Variants in CAPZB observed in about 807,000 individuals in gnomAD.
The protein encoded by CAPZB is F-actin-capping protein subunit beta.
In CAPZB, 2 loss-of-function variants were observed where a neutral mutation model predicts 38.1. The ratio of observed to expected loss-of-function variants is 0.05; its 90% confidence interval spans 0.02 to 0.17. CAPZB has a LOEUF of 0.17. Ranked by LOEUF, CAPZB falls within the 10% of genes least tolerant of loss-of-function variation. The pLI is 1.00. For synonymous variants in CAPZB, 107 were observed against 127.4 expected (o/e 0.84, Z 1.08); for missense variants, 161 against 334.2 (o/e 0.48, Z 4.04).
At chr1:19,476,570 G>A (rs947671139) in intron 1 of CAPZB, among the ~76,000 whole-genome samples, 1 of 152,206 alleles carries the variant, frequency 6.6e-6, no homozygotes, top group Non-Finnish European at 1.5e-5. Flanking sequence ...GAGGGCTGTC[G>A]CAATGATTAA....
intron 2 of CAPZB, among the ~76,000 whole-genome samples, chr1:19,404,936 G>A (rs1162781141): frequency 2.6e-5 from 4 of 152,150 alleles, no homozygotes; most frequent in African/African-American, 9.7e-5. Context: ...ACTGAGGCCT[G>A]GAGTCTGGTA....
In CAPZB at chr1:19,451,985, G is replaced by T. The variant is rs370266634; in HGVS notation, c.4-32235C>A. On this transcript the variant is annotated intron_variant, in intron 1 of 8. Coordinates refer to ENST00000264202, the MANE Select transcript of CAPZB (RefSeq NM_004930.5). ...TATTTTATTATTTCTCTCCACCCAA[G>T]TACCAACCCTCCCCCACTTTGTCCA... Among the ~76,000 whole-genome samples the T allele has an allele frequency of 2.6e-5, 4 of 151,840 alleles. No individual in the cohort carries two copies. In the East Asian group the frequency reaches 5.8e-4, roughly 22 times the overall value.
At chr1:19,342,741 A>G (rs12124843) in intron 8 of CAPZB, 347,747 of 1,567,522 alleles carry the variant, frequency 0.22, 39,511 homozygotes, top group Admixed American at 0.25. Flanking sequence ...CGCGGCTCTC[A>G]GGCAGGGTAC....
At chr1:19,342,697 G>A (rs368735647) in intron 8 of CAPZB, 63 of 1,094,500 alleles carry the variant, frequency 5.8e-5, no homozygotes, top group African/African-American at 5.5e-4. Context: ...GGGTCTCGGC[G>A]GGTTGGTGAG....
chr1:19,358,521 G>A (rs947974709), intron 4 of CAPZB, among the ~76,000 whole-genome samples: 2 of 152,206 alleles, frequency 1.3e-5, no homozygotes, highest in Non-Finnish European at 2.9e-5. Context: ...GGTTAGATGA[G>A]AAATGGGAAT....
chr1:19,453,324 C>T (rs1018659697), intron 1 of CAPZB, among the ~76,000 whole-genome samples: 5 of 152,104 alleles, frequency 3.3e-5, no homozygotes, highest in African/African-American at 9.7e-5. Context: ...TGCAGTGGCA[C>T]AATCTCGGCT....
intron 1 of CAPZB, among the ~76,000 whole-genome samples, chr1:19,438,550 C>CTG (rs2094465604): frequency 6.6e-6 from 1 of 152,146 alleles, no homozygotes; most frequent in East Asian, 1.9e-4. Flanking sequence ...AGGAGTGGAC[C>CTG]AAGGGGCTCT....
At chr1:19,474,749 G>A (rs368699401) in intron 1 of CAPZB, among the ~76,000 whole-genome samples, 11 of 152,238 alleles carry the variant, frequency 7.2e-5, no homozygotes, top group East Asian at 1.9e-4. Context: ...GGGGTCGTGC[G>A]GGTGACGAGG....
In CAPZB at chr1:19,437,211, A is replaced by G. The variant is rs140437017; in HGVS notation, c.4-17461T>C. On this transcript the variant is annotated intron_variant, in intron 1 of 8. Transcript: ENST00000264202. ...TTTCATTAAAAGCAAACAGTCTTGC[A>G]ATAAGGAACCGTAAGCTAGGAAGGC... is the stretch of plus-strand genomic sequence containing the variant. Among the ~76,000 whole-genome samples, 969 of 152,364 alleles carry G rather than the reference A, an allele frequency of 6.4e-3. 7 individuals carry two copies. Among genetic ancestry groups the G allele is most frequent in the African/African-American group, 0.021 (875 of 41,586 alleles).
rs2094024528 is a variant in CAPZB, at chr1:19,356,940, C to T, written c.472-189G>A. Among the ~76,000 whole-genome samples the T allele has an allele frequency of 6.6e-6, 1 of 152,062 alleles. No homozygotes were observed. The highest frequency in any genetic ancestry group is 1.5e-5 in the Non-Finnish European group (1 of 68,010). ...GCAGTGGTGCGATCTCAAGTCACTGCAGCCTCCACCTCCCAGGTTCAAGCG... is the reference window on the plus strand; with the variant it reads ...GCAGTGGTGCGATCTCAAGTCACTGTAGCCTCCACCTCCCAGGTTCAAGCG... On this transcript the variant is annotated intron_variant, in intron 5 of 8. Coordinates refer to ENST00000264202, the MANE Select transcript of CAPZB (RefSeq NM_004930.5). The surrounding 1 kb of genome is among the most constrained non-coding windows in gnomAD (Gnocchi z 4.3).
At chr1:19,440,953 G>A (rs1028725008) in intron 1 of CAPZB, among the ~76,000 whole-genome samples, 1 of 152,052 alleles carries the variant, frequency 6.6e-6, no homozygotes, top group Admixed American at 6.6e-5. Context: ...CCAGCTACTC[G>A]GGAGACTGAG....
At chr1:19,456,031 C>T (rs1435114645) in intron 1 of CAPZB, among the ~76,000 whole-genome samples, 3 of 152,184 alleles carry the variant, frequency 2.0e-5, no homozygotes, top group Middle Eastern at 3.2e-3. Flanking sequence ...CCTGCCTCAG[C>T]CTCCCAAGTA....
At chr1:19,420,412 T>A (rs2094396718) in intron 1 of CAPZB, among the ~76,000 whole-genome samples, 1 of 152,138 alleles carries the variant, frequency 6.6e-6, no homozygotes, top group Non-Finnish European at 1.5e-5. Flanking sequence ...AGCACTCTTT[T>A]AAAAAATGTT....
chr1:19,414,090 G>T (rs984590753), intron 2 of CAPZB, among the ~76,000 whole-genome samples: 1 of 152,004 alleles, frequency 6.6e-6, no homozygotes, highest in Non-Finnish European at 1.5e-5. Flanking sequence ...CGGAGAGCAG[G>T]TTTTTGGAAA....
At chr1:19,471,535 G>T (rs1207698318) in intron 1 of CAPZB, among the ~76,000 whole-genome samples, 1 of 150,984 alleles carries the variant, frequency 6.6e-6, no homozygotes, top group Non-Finnish European at 1.5e-5. Context: ...CCCTTCGTTG[G>T]AACCATGGCA....
intron 2 of CAPZB, among the ~76,000 whole-genome samples, chr1:19,410,901 CAG>C (rs1365970770): frequency 1.3e-5 from 2 of 152,194 alleles, no homozygotes; most frequent in African/African-American, 4.8e-5. Context: ...CCTATCAGGT[CAG>C]AGACTCACTG....
At chr1:19,419,885 G>C (rs1050879657) in intron 1 of CAPZB, 135 bp from the exon 2 acceptor site, 2 of 606,856 alleles carry the variant, frequency 3.3e-6, no homozygotes, top group Non-Finnish European at 5.8e-6. Flanking sequence ...CCAGGTCTCT[G>C]TGTGCCAGCA....
chr1:19,449,199 A>ATTTC, intron 1 of CAPZB: 1 of 1,181,814 alleles, frequency 8.5e-7, no homozygotes, highest in Non-Finnish European at 1.1e-6. Flanking sequence ...CAGGCCTGAA[A>ATTTC]GGTCATGCTT....
chr1:19,450,983 A>G (rs529530479), intron 1 of CAPZB, among the ~76,000 whole-genome samples: 1 of 152,312 alleles, frequency 6.6e-6, no homozygotes, highest in South Asian at 2.1e-4. Context: ...TACATGACTC[A>G]TTCCTGCATG....
Sources: allele counts gnomAD v4.1 joint callset (sites outside exome capture counted in the v4.1 genomes callset), GRCh38; gene constraint gnomAD v4.1.1; non-coding constraint Gnocchi (gnomAD v3.1); transcripts MANE v1.5; gene names NCBI Gene and HGNC (gene_info 2026-07-23, HGNC 2026-07-21).